ARFGEF3: variants seen among roughly 807,000 people sequenced by gnomAD.
The protein encoded by ARFGEF3 is brefeldin A-inhibited guanine nucleotide-exchange protein 3.
In ARFGEF3, 96 loss-of-function variants were observed where a neutral mutation model predicts 221.7. The ratio of observed to expected loss-of-function variants is 0.43; its 90% CI spans 0.37 to 0.51. The LOEUF (loss-of-function observed/expected upper bound fraction) is 0.51. Among genes scored for constraint, ARFGEF3 ranks in the 20% least tolerant of loss-of-function variants. ARFGEF3 has a pLI of 0.00. For missense variants in ARFGEF3, 2,410 were observed against 2,789.9 expected, an observed-to-expected ratio of 0.86 and a Z score of 3.07; for synonymous variants, 1,145 against 1,126.8, an observed-to-expected ratio of 1.02 and a Z score of -0.32.
At position 138,336,541 on chromosome 6, in the gene ARFGEF3, C is replaced by A; in HGVS notation, c.*55C>A. 2 of 1,416,704 alleles carry A rather than the reference C, an allele frequency of 1.4e-6. No individual in the cohort carries two copies. Among genetic ancestry groups the A allele is most frequent in the Non-Finnish European group, 1.9e-6 (2 of 1,038,650 alleles). 87.8% of individuals were successfully genotyped at this position (1,416,704 alleles called of 1,614,324 possible). A position where few individuals can be genotyped will look rare whatever the true frequency, so the allele number is the denominator to read the frequency against. ...AACAGTAGTGAGGGTTAGAGTCCTG[C>A]CAATACAGCTGTTGCATTTTCCCCA... On this transcript the variant is annotated 3_prime_UTR_variant, in exon 34 of 34. Transcript: ENST00000251691.
intron 17 of ARFGEF3, 32 bp downstream of exon 17, chr6:138,287,216 G>A (rs1444558852): frequency 6.6e-7 from 1 of 1,514,950 alleles, no homozygotes; most frequent in Non-Finnish European, 9.0e-7. Context: ...CCCACCTGGT[G>A]CCTTGGGTGC....
At position 138,292,045 on chromosome 6, in the gene ARFGEF3, A is replaced by T; in HGVS notation, c.3360A>T (p.Gln1120His). The T allele has an allele frequency of 6.9e-7, 1 of 1,444,520 alleles. No homozygotes were observed. The highest frequency in any genetic ancestry group is 1.4e-5 in the South Asian group (1 of 71,032). 89.5% of individuals were successfully genotyped at this position (1,444,520 alleles called of 1,614,324 possible). ...AGGTGGTGCTCACCCTCTCCACGCAAGCCGACAGGTGCGCGGCGCCGGCCT... is the reference window on the plus strand; with the variant it reads ...AGGTGGTGCTCACCCTCTCCACGCATGCCGACAGGTGCGCGGCGCCGGCCT... Reference protein sequence around the residue: ...AAKVVLTLSTQADRLFEDATD... With the variant: ...AAKVVLTLSTHADRLFEDATD... The change falls in exon 19 of 34, where the codon CAA becomes CAT. Residue 1120 changes from glutamine to histidine, a missense_variant. Transcript: ENST00000251691.
intron 19 of ARFGEF3, among the ~76,000 whole-genome samples, chr6:138,293,468 G>C (rs991354642): frequency 3.3e-5 from 5 of 152,172 alleles, no homozygotes; most frequent in Non-Finnish European, 7.3e-5. Flanking sequence ...AGATACTTGA[G>C]TTCCCATCAC....
intron 11 of ARFGEF3, among the ~76,000 whole-genome samples, chr6:138,262,452 A>G (rs914211756): frequency 6.6e-6 from 1 of 152,116 alleles, no homozygotes; most frequent in Non-Finnish European, 1.5e-5. Flanking sequence ...TCAGCGTCCC[A>G]AAGTGCTGGG....
intron 1 of ARFGEF3, among the ~76,000 whole-genome samples, chr6:138,168,107 T>C (rs1031088041): frequency 1.3e-5 from 2 of 152,236 alleles, no homozygotes; most frequent in African/African-American, 4.8e-5. Flanking sequence ...TGCCAGGTAC[T>C]GTTCCAAGTG....
rs373121216 is a variant in ARFGEF3, at chr6:138,286,894, C to T, written c.2763C>T (p.Ala921=). ...ICMSLDGLRK[A]ARLSCALGVA... ...TGAGCCTCGACGGGCTGCGGAAAGC[C>T]GCACGGCTGAGCTGCGCTCTAGGTA... The change falls in exon 16 of 34, where the codon GCC becomes GCT. Residue 921 remains alanine (A), a synonymous_variant. Transcript: ENST00000251691. 4.8e-5 allele frequency: 77 copies of T among 1,613,102 alleles called. No homozygotes were observed. The Middle Eastern group carries it at 3.7e-3, about 77-fold the overall frequency.
chr6:138,250,691 G>T (rs1048604490), intron 8 of ARFGEF3, among the ~76,000 whole-genome samples: 1 of 152,242 alleles, frequency 6.6e-6, no homozygotes, highest in African/African-American at 2.4e-5. Flanking sequence ...TGCCTTCACG[G>T]CCTGCGGGTC....
chr6:138,335,421 T>C (rs1780304931), intron 33 of ARFGEF3, among the ~76,000 whole-genome samples: 1 of 152,124 alleles, frequency 6.6e-6, no homozygotes, highest in African/African-American at 2.4e-5. Flanking sequence ...AGGAACTGTT[T>C]TTCTCCATAG....
In ARFGEF3 at chr6:138,263,175, G is replaced by A; in HGVS notation, c.1692G>A (p.Gln564=). ...TEAVDQPDVV[Q]RSHTVPYPDI... ...CGGTAGACCAGCCAGATGTCGTGCA[G>A]AGAAGCCACACGGTCCCTTACCCTG... Residue 564 remains glutamine (Q), a synonymous_variant, in exon 12 of 34, where the codon CAG becomes CAA. Transcript: ENST00000251691. 6.2e-7 allele frequency: 1 copy of A among 1,614,032 alleles called. No individual in the cohort carries two copies. The highest frequency in any genetic ancestry group is 8.5e-7 in the Non-Finnish European group (1 of 1,179,898).
chr6:138,205,819 C>G (rs1777615717), intron 2 of ARFGEF3, among the ~76,000 whole-genome samples: 1 of 152,122 alleles, frequency 6.6e-6, no homozygotes, highest in African/African-American at 2.4e-5. Flanking sequence ...TCCTGATGGT[C>G]TGTTTTTGTA....
chr6:138,164,128 GC>G (rs1562339166), intron 1 of ARFGEF3, among the ~76,000 whole-genome samples: 2 of 152,196 alleles, frequency 1.3e-5, no homozygotes, highest in Non-Finnish European at 2.9e-5. Flanking sequence ...ATGAACAAAG[GC>G]CTATAGGGAT....
chr6:138,267,910 C>T (rs919745207), intron 12 of ARFGEF3, among the ~76,000 whole-genome samples: 1 of 152,168 alleles, frequency 6.6e-6, no homozygotes, highest in Non-Finnish European at 1.5e-5. Context: ...TTTTTATTGA[C>T]TGTAATTTAG....
chr6:138,203,448 C>G (rs1777572249), intron 2 of ARFGEF3, among the ~76,000 whole-genome samples: 1 of 152,124 alleles, frequency 6.6e-6, no homozygotes, highest in African/African-American at 2.4e-5. Flanking sequence ...CTTTCTTTGT[C>G]CCATGAATAC....
At chr6:138,181,849 T>C (rs1777084435) in intron 2 of ARFGEF3, among the ~76,000 whole-genome samples, 1 of 152,222 alleles carries the variant, frequency 6.6e-6, no homozygotes, top group African/African-American at 2.4e-5. Flanking sequence ...AGTCCCAAAT[T>C]TCCTGCTTTC....
chr6:138,243,117 G>A, intron 7 of ARFGEF3, 123 bp downstream of exon 7: 1 of 792,726 alleles, frequency 1.3e-6, no homozygotes. Flanking sequence ...TTCTCTTGGA[G>A]GTTGTGCTTG....
chr6:138,229,977 T>A, intron 5 of ARFGEF3, 125 bp downstream of exon 5: 1 of 795,022 alleles, frequency 1.3e-6, no homozygotes, highest in Non-Finnish European at 2.1e-6. Context: ...CCGTGGGGAA[T>A]TTCCGCTAAG....
intron 31 of ARFGEF3, 42 bp from the exon 32 acceptor site, chr6:138,327,979 G>A (rs954116193): frequency 6.5e-7 from 1 of 1,530,042 alleles, no homozygotes; most frequent in Admixed American, 2.0e-5. Context: ...GTCAAGCAGA[G>A]GACACTGGAG....
chr6:138,307,197 A>G, intron 22 of ARFGEF3, 56 bp from the exon 23 acceptor site: 1 of 1,576,738 alleles, frequency 6.3e-7, no homozygotes, highest in Non-Finnish European at 8.7e-7. Context: ...CCTTCCCAGA[A>G]ATTCTGCTCC....
chr6:138,247,347 C>G (rs928216495), intron 8 of ARFGEF3, among the ~76,000 whole-genome samples: 2 of 152,186 alleles, frequency 1.3e-5, no homozygotes, highest in African/African-American at 2.4e-5. Flanking sequence ...TTGCTTGGGA[C>G]AGTCCCAGAT....
Sources: allele counts gnomAD v4.1 joint callset (sites outside exome capture counted in the v4.1 genomes callset), GRCh38; gene constraint gnomAD v4.1.1; transcripts MANE v1.5; gene names NCBI Gene and HGNC (gene_info 2026-07-23, HGNC 2026-07-21).